Variants in SHTN1 observed in about 807,000 individuals in gnomAD.
The protein encoded by SHTN1 is shootin-1.
Under a neutral mutation model 83.1 loss-of-function variants are expected in SHTN1, and 42 were observed. That is an observed-to-expected ratio of 0.51 (90% CI 0.39 to 0.65). SHTN1 has a LOEUF of 0.65. Among genes scored for constraint, SHTN1 ranks in the 30% least tolerant of loss-of-function variants. SHTN1 has a pLI of 0.00. For synonymous variants in SHTN1, 224 were observed against 247.7 expected, an observed-to-expected ratio of 0.90 and a Z score of 0.90; for missense variants, 622 against 737.8, an observed-to-expected ratio of 0.84 and a Z score of 1.82.
intron 11 of SHTN1, among the ~76,000 whole-genome samples, chr10:116,922,689 G>A (rs1848605707): frequency 6.6e-6 from 1 of 152,208 alleles, no homozygotes; most frequent in South Asian, 2.1e-4. Flanking sequence ...AGTAGGCCGT[G>A]TGCAGTGGCT....
At chr10:116,962,651 T>C (rs1337642332) in intron 3 of SHTN1, among the ~76,000 whole-genome samples, 3 of 152,130 alleles carry the variant, frequency 2.0e-5, no homozygotes, top group Non-Finnish European at 4.4e-5. Flanking sequence ...AAAAAAAACA[T>C]TTATTTTCTG....
rs1050289727 is a variant in SHTN1 at position 116,952,000 on chromosome 10, C to T, written c.443G>A (p.Arg148Gln). The T allele has an allele frequency of 4.7e-6, 7 of 1,485,522 alleles. No homozygotes were observed. The highest frequency in any genetic ancestry group is 6.3e-6 in the Non-Finnish European group (7 of 1,110,518). 92.0% of individuals were successfully genotyped at this position (1,485,522 alleles called of 1,614,324 possible). A position where few individuals can be genotyped will look rare whatever the true frequency, so the allele number is the denominator to read the frequency against. ...CTCCTGAACAGATACAATTTGATCTCGAAGTTCTGCATTTTTAAAGAAAAA... is the reference window on the plus strand; with the variant it reads ...CTCCTGAACAGATACAATTTGATCTTGAAGTTCTGCATTTTTAAAGAAAAA... ...VQCQKQIKEL[R>Q]DQIVSVQEEK... Residue 148 changes from arginine to glutamine, a missense_variant, in exon 6 of 17, where the codon CGA becomes CAA. Arg to Gln is a conservative substitution (Grantham distance 43). This residue lies in a region of SHTN1 where 383 missense variants were observed against 455.8 expected (regional missense o/e 0.84). Transcript: ENST00000355371.
At chr10:117,087,966 G>A (rs1335939108) in intron 1 of SHTN1, among the ~76,000 whole-genome samples, 1 of 152,116 alleles carries the variant, frequency 6.6e-6, no homozygotes, top group African/African-American at 2.4e-5. Context: ...AGCCAGGTAT[G>A]GTGGCATGCA....
At chr10:117,084,469 C>T (rs1564954046) in intron 1 of SHTN1, among the ~76,000 whole-genome samples, 1 of 152,226 alleles carries the variant, frequency 6.6e-6, no homozygotes, top group Non-Finnish European at 1.5e-5. Flanking sequence ...TTTAAGTCTG[C>T]AGAGGTTACT....
intron 2 of SHTN1, among the ~76,000 whole-genome samples, chr10:116,973,542 A>G (rs569741784): frequency 1.3e-5 from 2 of 152,334 alleles, no homozygotes; most frequent in East Asian, 3.9e-4. Context: ...CCACTATGTT[A>G]AACACTGGGC....
chr10:117,086,304 CACTTT>C (rs1212251402), intron 1 of SHTN1, among the ~76,000 whole-genome samples: 3 of 152,224 alleles, frequency 2.0e-5, no homozygotes, highest in African/African-American at 7.2e-5. Flanking sequence ...CTTTCTCCAT[CACTTT>C]ACTTTTAGTC....
intron 2 of SHTN1, among the ~76,000 whole-genome samples, chr10:117,020,128 T>C (rs138647445): frequency 6.6e-6 from 1 of 152,214 alleles, no homozygotes; most frequent in African/African-American, 2.4e-5. Flanking sequence ...GCAAAAGGAA[T>C]TGAAGACTTA....
chr10:116,945,383 T>G (rs1215048064), intron 7 of SHTN1, among the ~76,000 whole-genome samples: 1 of 152,216 alleles, frequency 6.6e-6, no homozygotes, highest in East Asian at 1.9e-4. Flanking sequence ...CAAGAAATAT[T>G]ATTCTGCCAT....
At chr10:116,924,198 A>G (rs778171113) in intron 11 of SHTN1, among the ~76,000 whole-genome samples, 4 of 152,130 alleles carry the variant, frequency 2.6e-5, no homozygotes, top group Non-Finnish European at 4.4e-5. Context: ...TACTTGCTCA[A>G]TTTTCCATTC....
intron 1 of SHTN1, among the ~76,000 whole-genome samples, chr10:116,983,683 GATAAATACATACATAC>G (rs1315059300): frequency 2.7e-4 from 4 of 14,786 alleles, no homozygotes; most frequent in African/African-American, 2.7e-4. Flanking sequence ...TAGATAGATA[GATAAATACATACATAC>G]ATACATACAT....
upstream of SHTN1, among the ~76,000 whole-genome samples, chr10:117,006,337 C>A (rs1290192996): frequency 2.0e-5 from 3 of 150,560 alleles, no homozygotes; most frequent in Non-Finnish European, 4.4e-5. Context: ...GAGGCCAAGG[C>A]GGGCAGATCA....
intron 1 of SHTN1, among the ~76,000 whole-genome samples, chr10:116,982,680 GGC>G (rs1851067685): frequency 6.6e-6 from 1 of 152,160 alleles, no homozygotes; most frequent in Admixed American, 6.5e-5. Context: ...AATCTGGCCG[GGC>G]GCAGTGGCTC....
chr10:116,977,375 C>T (rs1322444360), intron 2 of SHTN1, among the ~76,000 whole-genome samples: 1 of 152,116 alleles, frequency 6.6e-6, no homozygotes, highest in African/African-American at 2.4e-5. Flanking sequence ...TTGTTCTTCT[C>T]GTGGGTCAGG....
intron 16 of SHTN1, among the ~76,000 whole-genome samples, chr10:116,894,866 A>G (rs975880382): frequency 3.3e-5 from 5 of 152,354 alleles, no homozygotes; most frequent in African/African-American, 1.2e-4. Context: ...AGAGGGCAAG[A>G]AAACATGAAA....
At chr10:116,990,287 C>CTTTTTTTTT (rs11399364) in intron 1 of SHTN1, among the ~76,000 whole-genome samples, 4 of 119,918 alleles carry the variant, frequency 3.3e-5, no homozygotes, top group African/African-American at 6.4e-5. Context: ...TTTTTTCTTT[C>CTTTTTTTTT]TTTTTTTTTT....
At chr10:117,117,829 G>C (rs1388526734) in intron 1 of SHTN1, among the ~76,000 whole-genome samples, 1 of 152,172 alleles carries the variant, frequency 6.6e-6, no homozygotes, top group Non-Finnish European at 1.5e-5. Context: ...TGGGGAAATT[G>C]AGTAACCATA....
At chr10:116,929,790 T>G in intron 10 of SHTN1, 59 bp downstream of exon 10, 1 of 1,166,748 alleles carries the variant, frequency 8.6e-7, no homozygotes, top group East Asian at 2.5e-5. Flanking sequence ...GGTTTTGTAC[T>G]AGGCATGAGT....
intron 1 of SHTN1, among the ~76,000 whole-genome samples, chr10:117,075,667 A>G (rs1853141164): frequency 6.6e-6 from 1 of 152,216 alleles, no homozygotes; most frequent in Admixed American, 6.5e-5. Flanking sequence ...GGAAGATACC[A>G]GAGATATTAT....
intron 1 of SHTN1, among the ~76,000 whole-genome samples, chr10:117,049,548 T>C (rs1439125137): frequency 6.6e-6 from 1 of 152,224 alleles, no homozygotes; most frequent in Non-Finnish European, 1.5e-5. Flanking sequence ...TAAACATCTC[T>C]ATATTCCTAG....
Sources: gnomAD v4.1 joint callset for allele counts (sites outside exome capture counted in the v4.1 genomes callset) on GRCh38, gnomAD v4.1.1 for gene constraint, gnomAD v4.1.1 regional missense constraint, MANE v1.5 for transcripts, NCBI Gene and HGNC (gene_info 2026-07-23, HGNC 2026-07-21) for gene names.